Variants in ITGA6 observed in about 807,000 individuals in gnomAD.
ITGA6 encodes integrin subunit alpha 6, also known as integrin alpha-6.
In ITGA6, 63 loss-of-function variants were observed where a neutral mutation model predicts 133.6. The observed-to-expected ratio is 0.47, with a 90% CI of 0.38 to 0.58. The LOEUF (loss-of-function observed/expected upper bound fraction) is 0.58, where lower values mean the gene tolerates loss of function less well. ITGA6 is among the 20% of genes least tolerant of loss of function. The pLI, the probability that ITGA6 is intolerant of heterozygous loss-of-function variation, is 0.00. For synonymous variants in ITGA6, 434 were observed against 482.0 expected (o/e 0.90, Z 1.30); for missense variants, 1,068 against 1,309.4 (o/e 0.82, Z 2.85).
At chr2:172,435,696 A>G (rs2148995707) in intron 1 of ITGA6, among the ~76,000 whole-genome samples, 1 of 133,822 alleles carries the variant, frequency 7.5e-6, no homozygotes, top group African/African-American at 3.0e-5. Flanking sequence ...ATGCGATTTC[A>G]GCTCACTGCA....
At chr2:172,449,870 G>A (rs968284469) in intron 1 of ITGA6, among the ~76,000 whole-genome samples, 4 of 128,636 alleles carry the variant, frequency 3.1e-5, no homozygotes, top group Non-Finnish European at 6.1e-5. Context: ...GTAGTGAGCC[G>A]AAATCATGCC....
At chr2:172,439,326 G>A (rs1269932961) in intron 1 of ITGA6, among the ~76,000 whole-genome samples, 2 of 151,926 alleles carry the variant, frequency 1.3e-5, no homozygotes, top group Non-Finnish European at 2.9e-5. Context: ...TGTCAGGAGT[G>A]TAGAAAATGA....
chr2:172,497,033 T>C (rs1015509035), intron 23 of ITGA6, among the ~76,000 whole-genome samples: 8 of 152,166 alleles, frequency 5.3e-5, no homozygotes, highest in Non-Finnish European at 1.0e-4. Flanking sequence ...TTTCAGGAAA[T>C]GTTATTGTTT....
rs1210167168 is a variant in ITGA6, at chr2:172,475,019, C to A, written c.1077C>A (p.Gly359=). Residue 359 remains glycine (G), a synonymous_variant, in exon 7 of 26, where the codon GGC becomes GGA. Transcript: ENST00000684293. ...GAVYVYMNQQ[G]RWNNVKPIRL... ...TGTATGTCTACATGAACCAGCAAGG[C>A]AGATGGAATAATGTGAAGCCAATTC... 6.3e-7 allele frequency: 1 copy of A among 1,594,586 alleles called. No homozygotes were observed. The highest frequency in any genetic ancestry group is 1.7e-5 in the Admixed American group (1 of 59,990).
rs780433017 is a variant in ITGA6 at position 172,504,135 on chromosome 2, A to T, written c.*67A>T. The T allele has an allele frequency of 6.2e-7, 1 of 1,601,146 alleles. No homozygotes were observed. On this transcript the variant is annotated 3_prime_UTR_variant, in exon 26 of 26. Transcript: ENST00000684293. ...CTAGGTACGATGACAGTGTTCCCCG[A>T]TACCATGCTGTAAGGATCCGGAAAG...
At position 172,487,052 on chromosome 2, in the gene ITGA6, C is replaced by T. The variant is rs780247748; in HGVS notation, c.1884C>T (p.Asp628=). ...ACTTCTTAAAAGAGGGATGTGGAGA[C>T]GACAATGTATGTAACAGCAACCTTA... ...DVHFLKEGCG[D]DNVCNSNLKL... is the part of the protein sequence containing the mutation. The change falls in exon 14 of 26, where the codon GAC becomes GAT. Residue 628 remains aspartate, a synonymous_variant. Transcript: ENST00000684293. 38 of 1,610,854 alleles carry T rather than the reference C, an allele frequency of 2.4e-5. No homozygotes were observed. The South Asian group carries it at 3.3e-4, about 14-fold the overall frequency.
chr2:172,431,113 C>T (rs1438338620), intron 1 of ITGA6, among the ~76,000 whole-genome samples: 1 of 152,178 alleles, frequency 6.6e-6, no homozygotes, highest in Non-Finnish European at 1.5e-5. Context: ...ATGCTCCAGG[C>T]CCGCGGTCTG....
At position 172,474,355 on chromosome 2, in the gene ITGA6, C is replaced by A; in HGVS notation, c.986+90C>A. ...TGGAGAAGAGCCGTCCTTTCAGGTT[C>A]ATTGACGTAAAGAATATTTTTATTG... On this transcript the variant is annotated intron_variant, in intron 6 of 25. Transcript: ENST00000684293. The A allele has an allele frequency of 2.6e-6, 3 of 1,139,674 alleles. No homozygotes were observed. The East Asian group carries it at 7.1e-5, about 27-fold the overall frequency. The allele number at this position is 1,139,674 out of a possible 1,614,324, so 70.6% of individuals were successfully genotyped here. A position where few individuals can be genotyped will look rare whatever the true frequency, so the allele number is the denominator to read the frequency against.
intron 1 of ITGA6, among the ~76,000 whole-genome samples, chr2:172,431,193 C>CTAA (rs1264711215): frequency 1.3e-5 from 2 of 152,144 alleles, no homozygotes; most frequent in Non-Finnish European, 2.9e-5. Context: ...CTCTTAAAAT[C>CTAA]ATATTTTCTG....
intron 5 of ITGA6, among the ~76,000 whole-genome samples, chr2:172,471,600 A>AT (rs995978864): frequency 2.0e-5 from 3 of 152,204 alleles, no homozygotes; most frequent in African/African-American, 7.2e-5. Flanking sequence ...CTGCTTCTGG[A>AT]TTGGGACCCC....
chr2:172,491,970 C>T lies in ITGA6; in HGVS notation c.2988+447C>T, dbSNP rs1489700619. Among the ~76,000 whole-genome samples the T allele has an allele frequency of 6.6e-6, 1 of 152,230 alleles. No homozygotes were observed. The highest frequency in any genetic ancestry group is 1.5e-5 in the Non-Finnish European group (1 of 68,032). The stretch of plus-strand genomic sequence containing the variant: ...CTCAAACAAGTCTAAAATAAGTTCT[C>T]TCTCTTGGCCATGTAGCAGCCTCTC... On this transcript the variant is annotated intron_variant, in intron 23 of 25. Transcript: ENST00000684293. The surrounding 1 kb of genome is among the most constrained non-coding windows in gnomAD (Gnocchi z 4.4).
chr2:172,489,408 C>T (rs886608216), intron 19 of ITGA6, 77 bp from the exon 20 acceptor site: 20 of 1,177,638 alleles, frequency 1.7e-5, no homozygotes, highest in African/African-American at 4.6e-5. Flanking sequence ...TAGCTTCTTT[C>T]TCTTGGTAAA....
At chr2:172,498,439 G>T (rs1687219293) in intron 24 of ITGA6, among the ~76,000 whole-genome samples, 1 of 152,150 alleles carries the variant, frequency 6.6e-6, no homozygotes, top group Non-Finnish European at 1.5e-5. Flanking sequence ...AATTGTTAGG[G>T]TGTAGTAATA....
At chr2:172,466,384 C>T (rs998335801) in intron 2 of ITGA6, among the ~76,000 whole-genome samples, 3 of 152,130 alleles carry the variant, frequency 2.0e-5, no homozygotes, top group African/African-American at 7.2e-5. Flanking sequence ...TTTTGGGAGG[C>T]CGAGTTGGGT....
chr2:172,488,113 T>C lies in ITGA6; in HGVS notation c.2403-13T>C, dbSNP rs139725262. ...ACAATCCTCATTAAAACTGGTGTTT[T>C]TTAATTTGACAGAGTTGCTAAACCT... On this transcript the variant is annotated splice_polypyrimidine_tract_variant and intron_variant, in intron 18 of 25. Transcript: ENST00000684293. The C allele has an allele frequency of 6.2e-7, 1 of 1,613,256 alleles. No individual in the cohort carries two copies. The highest frequency in any genetic ancestry group is 1.3e-5 in the African/African-American group (1 of 75,014).
intron 1 of ITGA6, among the ~76,000 whole-genome samples, chr2:172,455,877 C>G (rs955661906): frequency 6.6e-6 from 1 of 152,290 alleles, no homozygotes. Context: ...AGGTGTTAGT[C>G]TGGTAGATTG....
chr2:172,434,255 T>C (rs1020296989), intron 1 of ITGA6, among the ~76,000 whole-genome samples: 1 of 152,200 alleles, frequency 6.6e-6, no homozygotes, highest in Non-Finnish European at 1.5e-5. Context: ...TTGCAAACAC[T>C]GATCTCTTGG....
intron 5 of ITGA6, chr2:172,472,685 C>A: frequency 2.4e-6 from 2 of 818,760 alleles, no homozygotes; most frequent in Non-Finnish European, 4.2e-6. Context: ...GTGGCCTCCT[C>A]ATCCAGCGAG....
At chr2:172,464,745 G>A (rs975001194) in intron 1 of ITGA6, among the ~76,000 whole-genome samples, 1 of 152,188 alleles carries the variant, frequency 6.6e-6, no homozygotes, top group Non-Finnish European at 1.5e-5. Context: ...GAATATTACA[G>A]TGCCTAGTAC....
Sources: allele counts gnomAD v4.1 joint callset (sites outside exome capture counted in the v4.1 genomes callset), GRCh38; gene constraint gnomAD v4.1.1; non-coding constraint Gnocchi (gnomAD v3.1); transcripts MANE v1.5; gene names NCBI Gene and HGNC (gene_info 2026-07-23, HGNC 2026-07-21).